Variants in ATAD2B observed in about 807,000 individuals in gnomAD.
The protein encoded by ATAD2B is ATPase family AAA domain containing 2B.
In ATAD2B, 40 loss-of-function variants were observed where a neutral mutation model predicts 167.6. The ratio of observed to expected loss-of-function variants is 0.24; its 90% CI spans 0.19 to 0.31. The LOEUF is 0.31. Among genes scored for constraint, ATAD2B ranks in the 10% least tolerant of loss-of-function variants. The pLI, the probability that ATAD2B is intolerant of heterozygous loss-of-function variation, is 1.00. For missense variants in ATAD2B, 1,242 were observed against 1,757.2 expected (o/e 0.71, Z 5.24); for synonymous variants, 579 against 596.5 (o/e 0.97, Z 0.43).
chr2:23,777,348 ATATATCTATATCTATATCTATATC>A (rs71402507), intron 22 of ATAD2B, among the ~76,000 whole-genome samples: 2 of 146,226 alleles, frequency 1.4e-5, no homozygotes, highest in Non-Finnish European at 3.0e-5. Context: ...CATAATACTG[ATATATCTATATCTATATCTATATC>A]TATATCTATA....
At chr2:23,814,302 T>TA (rs562424148) in intron 17 of ATAD2B, among the ~76,000 whole-genome samples, 300 of 152,340 alleles carry the variant, frequency 2.0e-3, no homozygotes, top group African/African-American at 6.7e-3. Flanking sequence ...CCTCCTATGC[T>TA]GAATGCCTTA....
At chr2:23,817,449 A>G (rs1026490106) in intron 17 of ATAD2B, among the ~76,000 whole-genome samples, 2 of 152,312 alleles carry the variant, frequency 1.3e-5, no homozygotes, top group East Asian at 1.9e-4. Context: ...GCAAACTCCC[A>G]TCCCTTCATA....
At chr2:23,719,282 G>A in the ATAD2B span, among the ~76,000 whole-genome samples, 1 of 152,092 alleles carries the variant, frequency 6.6e-6, no homozygotes. Context: ...AAATGTTCAG[G>A]ACACAATCCA....
intron 8 of ATAD2B, among the ~76,000 whole-genome samples, chr2:23,870,754 T>C (rs1251264538): frequency 6.6e-6 from 1 of 152,004 alleles, no homozygotes; most frequent in Non-Finnish European, 1.5e-5. Context: ...TACACTGGTT[T>C]ACAGAGGACA....
At chr2:23,893,204 T>C (rs1699768418) in intron 2 of ATAD2B, among the ~76,000 whole-genome samples, 1 of 152,206 alleles carries the variant, frequency 6.6e-6, no homozygotes, top group Admixed American at 6.5e-5. Context: ...AATGGAAATT[T>C]ATTTTGCCAA....
At chr2:23,795,115 T>C (rs1009584155) in intron 19 of ATAD2B, among the ~76,000 whole-genome samples, 1 of 152,104 alleles carries the variant, frequency 6.6e-6, no homozygotes, top group East Asian at 1.9e-4. Flanking sequence ...AGGTTTATTT[T>C]CTGATTATAA....
Position 23,851,526 on chromosome 2 carries a change from G to A in ATAD2B, c.1568+5889C>T, listed in dbSNP as rs558627417. The stretch of plus-strand genomic sequence containing the variant: ...GAAGGAAATACAGAGACTTTCATAC[G>A]TCCCCCGCCTGCCCCTTCATATGTA... On this transcript the variant is annotated intron_variant, in intron 13 of 27. Coordinates refer to ENST00000238789, the MANE Select transcript of ATAD2B (RefSeq NM_017552.4). 1.1e-4 allele frequency among the ~76,000 whole-genome samples: 17 copies of A among 152,216 alleles called. No individual in the cohort carries two copies. The Middle Eastern group carries it at 0.01, about 91-fold the overall frequency.
chr2:23,728,535 A>G, the ATAD2B span, among the ~76,000 whole-genome samples: 1 of 152,234 alleles, frequency 6.6e-6, no homozygotes, highest in Non-Finnish European at 1.5e-5. Flanking sequence ...AACTAAAACC[A>G]AAAGAAACTA....
intron 13 of ATAD2B, among the ~76,000 whole-genome samples, chr2:23,849,194 AAAT>A (rs1692170018): frequency 6.6e-6 from 1 of 152,212 alleles, no homozygotes; most frequent in South Asian, 2.1e-4. Flanking sequence ...GCAATTAAGA[AAAT>A]AAGACCCAAC....
At chr2:23,701,989 T>C in the ATAD2B span, among the ~76,000 whole-genome samples, 1 of 151,450 alleles carries the variant, frequency 6.6e-6, no homozygotes, top group Non-Finnish European at 1.5e-5. Flanking sequence ...ATTTTTTTTT[T>C]TTTTTGTATT....
At chr2:23,900,052 G>A (rs1336745369) in intron 1 of ATAD2B, among the ~76,000 whole-genome samples, 1 of 138,646 alleles carries the variant, frequency 7.2e-6, no homozygotes. Context: ...CAAGTAGCTG[G>A]GATTACAGGT....
the ATAD2B span, among the ~76,000 whole-genome samples, chr2:23,679,530 G>A: frequency 6.6e-6 from 1 of 152,046 alleles, no homozygotes; most frequent in African/African-American, 2.4e-5. Context: ...CACAAAGCCA[G>A]CCAAGATTCA....
At chr2:23,754,876 G>T in intron 25 of ATAD2B, 102 bp from the exon 26 acceptor site, 1 of 1,207,380 alleles carries the variant, frequency 8.3e-7, no homozygotes, top group Non-Finnish European at 1.1e-6. Flanking sequence ...ATCCCTTTTG[G>T]AATGAGGAAG....
At chr2:23,725,864 G>A in the ATAD2B span, among the ~76,000 whole-genome samples, 1 of 152,162 alleles carries the variant, frequency 6.6e-6, no homozygotes, top group Non-Finnish European at 1.5e-5. Context: ...CAAAACCCCA[G>A]AAAATAAGTA....
At chr2:23,907,266 A>C (rs1252531951) in intron 1 of ATAD2B, among the ~76,000 whole-genome samples, 1 of 152,194 alleles carries the variant, frequency 6.6e-6, no homozygotes, top group Non-Finnish European at 1.5e-5. Flanking sequence ...CAACTTCAGC[A>C]AAGTCTCAGG....
the ATAD2B span, among the ~76,000 whole-genome samples, chr2:23,694,455 C>T: frequency 6.6e-6 from 1 of 152,200 alleles, no homozygotes; most frequent in African/African-American, 2.4e-5. Context: ...CCATTTTCCA[C>T]CCTCCAGCCT....
chr2:23,828,270 A>G (rs2149700391), intron 15 of ATAD2B, among the ~76,000 whole-genome samples: 1 of 152,272 alleles, frequency 6.6e-6, no homozygotes, highest in African/African-American at 2.4e-5. Flanking sequence ...CACTCTCACC[A>G]CATCCTAGAA....
the ATAD2B span, among the ~76,000 whole-genome samples, chr2:23,682,223 C>CCGTCACCAT: frequency 6.6e-6 from 1 of 152,224 alleles, no homozygotes; most frequent in East Asian, 1.9e-4. The surrounding 1 kb of genome is among the most constrained non-coding windows in gnomAD (Gnocchi z 4.1). Flanking sequence ...CTCGGAAAGA[C>CCGTCACCAT]CGTCACCATC....
At chr2:23,763,811 C>T (rs1677057994) in intron 23 of ATAD2B, among the ~76,000 whole-genome samples, 1 of 152,142 alleles carries the variant, frequency 6.6e-6, no homozygotes, top group Non-Finnish European at 1.5e-5. Context: ...AGGCTGGTCT[C>T]AAACTCCTGG....
Sources: allele counts gnomAD v4.1 joint callset (sites outside exome capture counted in the v4.1 genomes callset), GRCh38; gene constraint gnomAD v4.1.1; non-coding constraint Gnocchi (gnomAD v3.1); transcripts MANE v1.5; gene names NCBI Gene and HGNC (gene_info 2026-07-23, HGNC 2026-07-21).